The following ROBO2 variants were observed in gnomAD, a reference collection of about 807,000 sequenced individuals.
ROBO2 encodes roundabout guidance receptor 2.
Under a neutral mutation model 160.8 loss-of-function variants are expected in ROBO2, and 53 were observed. The observed-to-expected ratio is 0.33, with a 90% confidence interval of 0.26 to 0.41. ROBO2 has a LOEUF of 0.41. Among genes scored for constraint, ROBO2 ranks in the 10% least tolerant of loss-of-function variants. The pLI, the probability that ROBO2 is intolerant of heterozygous loss-of-function variation, is 1.00. For synonymous variants in ROBO2, 664 were observed against 611.7 expected (o/e 1.09, Z -1.26); for missense variants, 1,577 against 1,722.4 (o/e 0.92, Z 1.49).
Position 76,798,012 on chromosome 3 carries a change from T to C in ROBO2, c.110-300002T>C, listed in dbSNP as rs200821681. Among the ~76,000 whole-genome samples the C allele has an allele frequency of 1.8e-4, 27 of 151,236 alleles. No individual in the cohort carries two copies. The East Asian group carries it at 4.9e-3, about 27-fold the overall frequency. On this transcript the variant is annotated intron_variant, in intron 2 of 26. Transcript: ENST00000487694. Reference sequence around the variant, plus strand: ...CAAATACCAAATCCTACCCAAATTATTCCAAAAAGTAGAATAGTAGGAAAT... The same window carrying C: ...CAAATACCAAATCCTACCCAAATTACTCCAAAAAGTAGAATAGTAGGAAAT...
At chr3:76,721,365 A>G (rs11127557) in intron 2 of ROBO2, among the ~76,000 whole-genome samples, 2 of 152,042 alleles carry the variant, frequency 1.3e-5, no homozygotes, top group Admixed American at 1.3e-4. Flanking sequence ...ATAAAGTAGC[A>G]TATTTCTGAT....
At chr3:76,614,495 T>G (rs2109126678) in intron 2 of ROBO2, among the ~76,000 whole-genome samples, 1 of 152,224 alleles carries the variant, frequency 6.6e-6, no homozygotes, top group Non-Finnish European at 1.5e-5. Flanking sequence ...ACCATTGTTC[T>G]CTGTGAGAGT....
chr3:77,502,463 TC>T (rs2087757924), intron 5 of ROBO2, among the ~76,000 whole-genome samples: 1 of 152,262 alleles, frequency 6.6e-6, no homozygotes, highest in East Asian at 1.9e-4. Context: ...TTAAAACAAA[TC>T]TATTTTTTCT....
At chr3:76,234,704 T>C (rs889865095) in intron 2 of ROBO2, among the ~76,000 whole-genome samples, 4 of 152,212 alleles carry the variant, frequency 2.6e-5, no homozygotes, top group African/African-American at 9.6e-5. Context: ...CTTTGGTCAG[T>C]CTATTTCAAA....
intron 2 of ROBO2, among the ~76,000 whole-genome samples, chr3:76,198,106 G>C (rs1308407200): frequency 6.6e-6 from 1 of 152,164 alleles, no homozygotes; most frequent in African/African-American, 2.4e-5. Context: ...AGCTAGTTCA[G>C]GACATGGTGG....
intron 2 of ROBO2, among the ~76,000 whole-genome samples, chr3:77,460,668 T>C (rs972448725): frequency 6.6e-6 from 1 of 152,166 alleles, no homozygotes; most frequent in Admixed American, 6.5e-5. Flanking sequence ...AATGCTTTCG[T>C]GGTAATGATT....
intron 2 of ROBO2, among the ~76,000 whole-genome samples, chr3:76,933,507 A>C (rs2077487390): frequency 6.6e-6 from 1 of 152,224 alleles, no homozygotes; most frequent in Admixed American, 6.5e-5. Context: ...CATTCAAAAC[A>C]AAATATTGTT....
chr3:76,110,472 A>G (rs2070177106), intron 2 of ROBO2, among the ~76,000 whole-genome samples: 1 of 152,180 alleles, frequency 6.6e-6, no homozygotes, highest in Non-Finnish European at 1.5e-5. Context: ...TGTTGAGCTG[A>G]CATGAAGCTT....
intron 2 of ROBO2, among the ~76,000 whole-genome samples, chr3:76,114,671 C>G (rs980508683): frequency 6.6e-6 from 1 of 152,072 alleles, no homozygotes; most frequent in African/African-American, 2.4e-5. Flanking sequence ...GACTCATATA[C>G]ATCAGACTTT....
rs2086670498 is a variant in ROBO2 at position 77,227,838 on chromosome 3, GT to G, written c.388+129499del. Among the ~76,000 whole-genome samples the G allele has an allele frequency of 5.9e-5, 9 of 152,330 alleles. No homozygotes were observed. In the South Asian group the frequency reaches 1.9e-3, roughly 32 times the overall value. The stretch of plus-strand genomic sequence containing the variant: ...ATTGACTGTCAAGTCAGTCAAAATA[GT>G]GAAACTAGTTTTCGCATGTATGCAG... On this transcript the variant is annotated intron_variant, in intron 2 of 25. Coordinates refer to ENST00000461745, the Ensembl canonical transcript of ROBO2.
intron 2 of ROBO2, among the ~76,000 whole-genome samples, chr3:77,190,522 C>G (rs2081735870): frequency 6.6e-6 from 1 of 151,834 alleles, no homozygotes; most frequent in Non-Finnish European, 1.5e-5. Flanking sequence ...CAGACAAAAC[C>G]TGTATAGTGT....
chr3:76,730,153 C>T (rs190952477), intron 2 of ROBO2, among the ~76,000 whole-genome samples: 14 of 152,050 alleles, frequency 9.2e-5, no homozygotes, highest in Admixed American at 7.9e-4. Flanking sequence ...CCTATTTCAC[C>T]TCCTACTCCC....
intron 2 of ROBO2, among the ~76,000 whole-genome samples, chr3:76,928,715 T>C (rs2077141111): frequency 1.3e-5 from 2 of 152,166 alleles, no homozygotes; most frequent in Admixed American, 1.3e-4. Context: ...TCTTCCTCTC[T>C]ATCAACCACT....
chr3:76,926,704 C>A (rs2149028017), intron 2 of ROBO2, among the ~76,000 whole-genome samples: 1 of 152,280 alleles, frequency 6.6e-6, no homozygotes, highest in East Asian at 1.9e-4. Flanking sequence ...TCCTCTAATT[C>A]ACATTTTAGA....
intron 2 of ROBO2, among the ~76,000 whole-genome samples, chr3:77,402,163 G>A (rs138942605): frequency 6.8e-6 from 1 of 147,826 alleles, no homozygotes; most frequent in Non-Finnish European, 1.5e-5. Flanking sequence ...ATTATTCTCA[G>A]CAAACTAACA....
chr3:76,851,653 T>C (rs1265302198), intron 2 of ROBO2, among the ~76,000 whole-genome samples: 8 of 141,202 alleles, frequency 5.7e-5, no homozygotes, highest in Non-Finnish European at 1.2e-4. Flanking sequence ...GAGAATGGCG[T>C]GAACCCGGGA....
At chr3:77,570,238 T>C (rs187625838) in intron 13 of ROBO2, among the ~76,000 whole-genome samples, 15 of 152,180 alleles carry the variant, frequency 9.9e-5, no homozygotes, top group Non-Finnish European at 1.2e-4. Flanking sequence ...AAAGTCATTA[T>C]GTTGATGAAG....
At chr3:76,179,024 G>A (rs2073331716) in intron 2 of ROBO2, among the ~76,000 whole-genome samples, 2 of 151,984 alleles carry the variant, frequency 1.3e-5, no homozygotes, top group African/African-American at 4.8e-5. Context: ...TCAATAAAGG[G>A]TATTTTAAGT....
chr3:77,050,708 C>T (rs1578534223), intron 1 of ROBO2, among the ~76,000 whole-genome samples: 1 of 146,812 alleles, frequency 6.8e-6, no homozygotes, highest in African/African-American at 2.5e-5. Flanking sequence ...AAGAGTTAAA[C>T]AATAATAATG....
Sources: gnomAD v4.1 joint callset for allele counts (sites outside exome capture counted in the v4.1 genomes callset) on GRCh38, gnomAD v4.1.1 for gene constraint, MANE v1.5 for transcripts, NCBI Gene and HGNC (gene_info 2026-07-23, HGNC 2026-07-21) for gene names.